Variants in AGMO observed in about 807,000 individuals in gnomAD.
AGMO encodes alkylglycerol monooxygenase.
A neutral mutation model predicts 60.2 loss-of-function variants in AGMO; 75 were observed. That is an observed-to-expected ratio of 1.25 (90% CI 1.03 to 1.51). The LOEUF is 1.51. Among genes scored for constraint, AGMO ranks in the 40% most tolerant of loss-of-function variants. AGMO has a pLI of 0.00. For missense variants in AGMO, 763 were observed against 525.5 expected (o/e 1.45, Z -4.42); for synonymous variants, 261 against 177.1 (o/e 1.47, Z -3.76).
intron 12 of AGMO, among the ~76,000 whole-genome samples, chr7:15,218,842 CTT>C (rs1483098923): frequency 2.6e-5 from 4 of 151,990 alleles, no homozygotes; most frequent in African/African-American, 9.7e-5. Flanking sequence ...AGGCCTGACT[CTT>C]TTTCAACATA....
At chr7:15,439,892 AC>A (rs1170163273) in intron 3 of AGMO, among the ~76,000 whole-genome samples, 2 of 151,790 alleles carry the variant, frequency 1.3e-5, no homozygotes, top group African/African-American at 4.8e-5. Context: ...CTGGGATGAG[AC>A]CCCCCGACCC....
the AGMO span, among the ~76,000 whole-genome samples, chr7:15,189,786 T>G: frequency 2.0e-5 from 3 of 151,362 alleles, no homozygotes; most frequent in Non-Finnish European, 4.4e-5. Context: ...AGCTATTTCT[T>G]GTTGAATTTT....
At chr7:15,421,097 T>C (rs554996438) in intron 4 of AGMO, among the ~76,000 whole-genome samples, 6 of 152,232 alleles carry the variant, frequency 3.9e-5, no homozygotes, top group Admixed American at 1.3e-4. Context: ...AGAAACAATA[T>C]GGCATTTAGG....
intron 3 of AGMO, among the ~76,000 whole-genome samples, chr7:15,442,475 A>G (rs1781583947): frequency 6.6e-6 from 1 of 152,152 alleles, no homozygotes; most frequent in Non-Finnish European, 1.5e-5. Context: ...CCATTATTCT[A>G]GTACAGATAA....
intron 3 of AGMO, among the ~76,000 whole-genome samples, chr7:15,431,669 T>A (rs1781243301): frequency 6.6e-6 from 1 of 152,024 alleles, no homozygotes; most frequent in South Asian, 2.1e-4. Context: ...TACTCTTTTA[T>A]TTATAAAAAG....
chr7:15,375,763 T>A (rs568703741), intron 10 of AGMO, among the ~76,000 whole-genome samples: 1 of 152,248 alleles, frequency 6.6e-6, no homozygotes, highest in Non-Finnish European at 1.5e-5. Flanking sequence ...ACTTGGGAGT[T>A]TCCAAAACAG....
At chr7:15,366,083 G>C (rs894352913) in intron 11 of AGMO, 57 bp downstream of exon 11, 1 of 1,344,418 alleles carries the variant, frequency 7.4e-7, no homozygotes, top group African/African-American at 1.5e-5. Context: ...TTACCACTCT[G>C]TGGAAAATTC....
the AGMO span, among the ~76,000 whole-genome samples, chr7:15,175,338 T>C: frequency 6.6e-6 from 1 of 151,966 alleles, no homozygotes; most frequent in Non-Finnish European, 1.5e-5. Context: ...CAGTTTCACT[T>C]ACTCAGAATC....
chr7:15,511,529 G>A (rs948480895), intron 3 of AGMO, among the ~76,000 whole-genome samples: 2 of 152,038 alleles, frequency 1.3e-5, no homozygotes, highest in Non-Finnish European at 2.9e-5. Context: ...GCACAAACTT[G>A]GACTTATAAG....
chr7:15,348,024 T>G (rs1324462383), intron 12 of AGMO, among the ~76,000 whole-genome samples: 7 of 152,058 alleles, frequency 4.6e-5, no homozygotes, highest in African/African-American at 1.7e-4. Context: ...TTTCCTGAAG[T>G]TAACTGTTAC....
downstream of AGMO, among the ~76,000 whole-genome samples, chr7:15,199,498 A>G (rs2115461645): frequency 6.6e-6 from 1 of 152,280 alleles, no homozygotes; most frequent in South Asian, 2.1e-4. Flanking sequence ...TTCCTTGGGG[A>G]ATCATTAAGC....
the AGMO span, among the ~76,000 whole-genome samples, chr7:15,155,419 C>CTTTTTTTTTTTTTTTTTTTT: frequency 2.0e-4 from 13 of 63,928 alleles, no homozygotes; most frequent in East Asian, 5.1e-4. Flanking sequence ...TACAGAATTT[C>CTTTTTTTTTTTTTTTTTTTT]TTTTTTTTTT....
chr7:15,531,475 TCTCTATATATA>T (rs1784349884), intron 3 of AGMO, among the ~76,000 whole-genome samples: 1 of 46,382 alleles, frequency 2.2e-5, no homozygotes, highest in Non-Finnish European at 3.5e-5. Context: ...CTATATATAT[TCTCTATATATA>T]TTCTATATAT....
At chr7:15,493,362 C>CACACACATT (rs71004386) in intron 3 of AGMO, among the ~76,000 whole-genome samples, 1 of 102,264 alleles carries the variant, frequency 9.8e-6, no homozygotes, top group Non-Finnish European at 1.8e-5. Context: ...CACACACACA[C>CACACACATT]TTCTTTTTTT....
At chr7:15,346,059 T>C (rs1782020813) in intron 12 of AGMO, among the ~76,000 whole-genome samples, 1 of 152,202 alleles carries the variant, frequency 6.6e-6, no homozygotes, top group Non-Finnish European at 1.5e-5. Flanking sequence ...AAGTATATTC[T>C]GCTGTTAGTA....
At chr7:15,277,444 C>T (rs1433728523) in intron 12 of AGMO, among the ~76,000 whole-genome samples, 1 of 152,118 alleles carries the variant, frequency 6.6e-6, no homozygotes, top group Non-Finnish European at 1.5e-5. Flanking sequence ...ATTCAGATTT[C>T]TCATAGTCCC....
rs141362853 is a variant in AGMO, at chr7:15,336,418, C to CAA, written c.1263+29094_1263+29095dup. ...TATAAAATCGGTTGACTCAATATGG[C>CAA]AAAAAAAAAAGAAAAAAAAACACCA... is the stretch of plus-strand genomic sequence containing the variant. On this transcript the variant is annotated intron_variant, in intron 12 of 12. Transcript: ENST00000342526. Among the ~76,000 whole-genome samples, 990 of 140,668 alleles carry CAA rather than the reference C, an allele frequency of 7.0e-3. 19 individuals are homozygous for CAA. The highest frequency in any genetic ancestry group is 0.024 in the African/African-American group (933 of 38,648). The allele number at this position is 140,668 out of a possible 152,430, so 92.3% of individuals were successfully genotyped here. A position where few individuals can be genotyped will look rare whatever the true frequency, so the allele number is the denominator to read the frequency against.
intron 3 of AGMO, among the ~76,000 whole-genome samples, chr7:15,473,697 G>T (rs1000344559): frequency 6.6e-6 from 1 of 152,032 alleles, no homozygotes; most frequent in African/African-American, 2.4e-5. Context: ...ACTTAATATT[G>T]GAAGTTCTGG....
chr7:15,248,905 T>C (rs1250861501), intron 12 of AGMO, among the ~76,000 whole-genome samples: 1 of 152,224 alleles, frequency 6.6e-6, no homozygotes, highest in Non-Finnish European at 1.5e-5. Context: ...TATTTTACTC[T>C]CTGATTTCTT....
Sources: allele counts gnomAD v4.1 joint callset (sites outside exome capture counted in the v4.1 genomes callset), GRCh38; gene constraint gnomAD v4.1.1; transcripts MANE v1.5; gene names NCBI Gene and HGNC (gene_info 2026-07-23, HGNC 2026-07-21).